The following RFX6 variants were observed in gnomAD, a reference collection of about 807,000 sequenced individuals.
The protein encoded by RFX6 is DNA-binding protein RFX6.
A neutral mutation model predicts 110.8 loss-of-function variants in RFX6; 50 were observed. The observed-to-expected ratio is 0.45, with a 90% confidence interval of 0.36 to 0.57. The LOEUF (loss-of-function observed/expected upper bound fraction) is 0.57, where lower values mean the gene tolerates loss of function less well. RFX6 is among the 20% of genes least tolerant of loss of function. The probability of loss-of-function intolerance (pLI) is 0.00; values close to 1 mark genes in which losing one functional copy is unlikely to be tolerated. For synonymous variants in RFX6, 383 were observed against 411.2 expected (o/e 0.93, Z 0.83); for missense variants, 990 against 1,127.0 (o/e 0.88, Z 1.74).
At chr6:116,896,989 G>T (rs1476157863) in intron 6 of RFX6, among the ~76,000 whole-genome samples, 1 of 152,120 alleles carries the variant, frequency 6.6e-6, no homozygotes, top group East Asian at 1.9e-4. Flanking sequence ...AAGAGATTTG[G>T]TCCTGCCCTT....
intron 6 of RFX6, among the ~76,000 whole-genome samples, chr6:116,903,699 G>T (rs144893637): frequency 6.6e-6 from 1 of 151,944 alleles, no homozygotes; most frequent in African/African-American, 2.4e-5. Flanking sequence ...CATAAAAATA[G>T]GCTCCTTGTT....
intron 7 of RFX6, among the ~76,000 whole-genome samples, chr6:116,912,031 C>T (rs536185131): frequency 6.6e-6 from 1 of 152,180 alleles, no homozygotes; most frequent in East Asian, 1.9e-4. Flanking sequence ...ATGTCTTTTG[C>T]AGCAACATGG....
At chr6:116,913,397 T>G (rs945841548) in intron 7 of RFX6, among the ~76,000 whole-genome samples, 3 of 152,148 alleles carry the variant, frequency 2.0e-5, no homozygotes, top group Non-Finnish European at 2.9e-5. Flanking sequence ...GAATGGAAAC[T>G]GCCCAGTGAA....
intron 17 of RFX6, among the ~76,000 whole-genome samples, chr6:116,928,427 T>G (rs1360085288): frequency 6.6e-6 from 1 of 152,210 alleles, no homozygotes; most frequent in Non-Finnish European, 1.5e-5. Context: ...AAGGTAGATC[T>G]TGTTAATTTA....
At chr6:116,892,099 G>C (rs1774843507) in intron 4 of RFX6, among the ~76,000 whole-genome samples, 1 of 152,180 alleles carries the variant, frequency 6.6e-6, no homozygotes, top group Non-Finnish European at 1.5e-5. Context: ...ATATATTATT[G>C]TTTCCCAAAT....
At position 116,928,074 on chromosome 6, in the gene RFX6, A is replaced by G. The variant is rs1196075555; in HGVS notation, c.2398+535A>G. ...CTAAAGCTGTCCTCCTAAATACCGCATATGTTAAAAAAAAAAAAAAGATAG... is the reference window on the plus strand; with the variant it reads ...CTAAAGCTGTCCTCCTAAATACCGCGTATGTTAAAAAAAAAAAAAAGATAG... On this transcript the variant is annotated intron_variant, in intron 17 of 18. Transcript: ENST00000332958. Among the ~76,000 whole-genome samples, 51 of 66,584 alleles carry G rather than the reference A, an allele frequency of 7.7e-4. 1 individual carries two copies. In the Admixed American group the frequency reaches 8.6e-3, roughly 11 times the overall value. The allele number at this position is 66,584 out of a possible 152,430, so 43.7% of individuals were successfully genotyped here.
chr6:116,924,389 C>T (rs1476877426), intron 14 of RFX6, among the ~76,000 whole-genome samples: 2 of 152,224 alleles, frequency 1.3e-5, no homozygotes, highest in Admixed American at 6.5e-5. Context: ...CACTTTCATC[C>T]GTATTTTCCT....
intron 1 of RFX6, 109 bp from the exon 2 acceptor site, chr6:116,877,687 T>TC: frequency 2.4e-6 from 2 of 844,962 alleles, no homozygotes; most frequent in Non-Finnish European, 1.9e-6. Flanking sequence ...TTTCCTCCCC[T>TC]CCGCCCCCAC....
At chr6:116,915,890 A>G (rs1775450962) in intron 7 of RFX6, 118 bp from the exon 8 acceptor site, 13 of 788,980 alleles carry the variant, frequency 1.6e-5, no homozygotes, top group Admixed American at 7.4e-5. Context: ...AGTCCTCAAC[A>G]TTGAGCATAC....
Position 116,898,022 on chromosome 6 carries a change from A to T in RFX6, c.672+2815A>T, listed in dbSNP as rs534940163. ...AAGTTGTGAAAAGTGAGAGAGGAAGAGTCGGTGAGATAACAGAGGAGAGTC... is the reference window on the plus strand; with the variant it reads ...AAGTTGTGAAAAGTGAGAGAGGAAGTGTCGGTGAGATAACAGAGGAGAGTC... On this transcript the variant is annotated intron_variant, in intron 6 of 18. Coordinates refer to ENST00000332958, the MANE Select transcript of RFX6 (RefSeq NM_173560.4). 3.3e-5 allele frequency among the ~76,000 whole-genome samples: 5 copies of T among 152,254 alleles called. No individual in the cohort carries two copies. In the South Asian group the frequency reaches 1.0e-3, roughly 32 times the overall value.
intron 7 of RFX6, among the ~76,000 whole-genome samples, chr6:116,913,898 T>A (rs1044157459): frequency 3.1e-4 from 47 of 152,204 alleles, no homozygotes; most frequent in South Asian, 2.1e-4. Context: ...GGGTTACTGA[T>A]CACCTTAAAT....
chr6:116,887,018 G>A (rs1470324493), intron 4 of RFX6, among the ~76,000 whole-genome samples: 3 of 151,862 alleles, frequency 2.0e-5, no homozygotes, highest in East Asian at 1.9e-4. Context: ...AGCTGAGATC[G>A]CACCACTGCA....
Position 116,928,874 on chromosome 6 carries a change from C to G in RFX6, c.2514C>G (p.His838Gln). Reference protein sequence around the residue: ...IRSLPPYSDIHDPLNILDDSG... With the variant: ...IRSLPPYSDIQDPLNILDDSG... The stretch of plus-strand genomic sequence containing the variant: ...CACTGCCCCCCTACAGTGACATCCA[C>G]GATCCACTTAACATTTTAGATGACA... The change falls in exon 18 of 19, where the codon CAC becomes CAG. Residue 838 changes from histidine (H) to glutamine (Q), a missense_variant. Around this residue, in one of 5 missense-constraint regions of RFX6, gnomAD observed 438 missense variants for 441.9 expected, o/e 0.99. Coordinates refer to ENST00000332958, the MANE Select transcript of RFX6 (RefSeq NM_173560.4). 6.2e-7 allele frequency: 1 copy of G among 1,613,416 alleles called. No individual in the cohort carries two copies. The highest frequency in any genetic ancestry group is 1.1e-5 in the South Asian group (1 of 91,076).
chr6:116,930,667 A>T (rs945764529), intron 18 of RFX6, among the ~76,000 whole-genome samples: 1 of 152,086 alleles, frequency 6.6e-6, no homozygotes, highest in Admixed American at 6.5e-5. Flanking sequence ...TGAAGATCTG[A>T]GGGAGGAGTT....
intron 12 of RFX6, among the ~76,000 whole-genome samples, chr6:116,921,489 T>C (rs1051174575): frequency 6.6e-6 from 1 of 152,184 alleles, no homozygotes; most frequent in African/African-American, 2.4e-5. Flanking sequence ...TAATCTTCCC[T>C]AGTATGTGAA....
chr6:116,897,160 G>A (rs1481558504), intron 6 of RFX6, among the ~76,000 whole-genome samples: 1 of 152,170 alleles, frequency 6.6e-6, no homozygotes, highest in Non-Finnish European at 1.5e-5. Flanking sequence ...GTTTGGAGGA[G>A]GAGTGGAGTA....
chr6:116,881,626 C>A (rs957139459), intron 3 of RFX6, among the ~76,000 whole-genome samples: 4 of 151,982 alleles, frequency 2.6e-5, no homozygotes, highest in Non-Finnish European at 5.9e-5. Context: ...TTTACTCATT[C>A]TATTAAATGA....
intron 6 of RFX6, among the ~76,000 whole-genome samples, chr6:116,910,612 A>C (rs1183025506): frequency 1.3e-5 from 2 of 152,232 alleles, no homozygotes; most frequent in African/African-American, 2.4e-5. Context: ...TTTCAAAGGC[A>C]GATCTTCCTA....
chr6:116,889,262 A>G (rs1034412279), intron 4 of RFX6, among the ~76,000 whole-genome samples: 3 of 152,156 alleles, frequency 2.0e-5, no homozygotes, highest in Non-Finnish European at 2.9e-5. Flanking sequence ...CTTTAAGAAA[A>G]TTTGTTTTAT....
Sources: gnomAD v4.1 joint callset for allele counts (sites outside exome capture counted in the v4.1 genomes callset) on GRCh38, gnomAD v4.1.1 for gene constraint, gnomAD v4.1.1 regional missense constraint, MANE v1.5 for transcripts, NCBI Gene and HGNC (gene_info 2026-07-23, HGNC 2026-07-21) for gene names.